DNM2: variants seen among roughly 807,000 people sequenced by gnomAD.
DNM2 encodes dynamin-2.
In DNM2, 15 loss-of-function variants were observed where a neutral mutation model predicts 99.0. The ratio of observed to expected loss-of-function variants is 0.15; its 90% CI spans 0.10 to 0.23. The LOEUF is 0.23. DNM2 is among the 10% of genes least tolerant of loss of function. The pLI, the probability that DNM2 is intolerant of heterozygous loss-of-function variation, is 1.00. For synonymous variants in DNM2, 525 were observed against 481.2 expected (o/e 1.09, Z -1.19); for missense variants, 742 against 1,189.4 (o/e 0.62, Z 5.53).
chr19:10,781,222 G>C (rs1401372906), intron 5 of DNM2, among the ~76,000 whole-genome samples: 2 of 152,114 alleles, frequency 1.3e-5, no homozygotes, highest in Non-Finnish European at 2.9e-5. Flanking sequence ...ATCCAAGCCA[G>C]ATGCTTTTTA....
At chr19:10,783,860 C>A (rs2071465879) in intron 6 of DNM2, among the ~76,000 whole-genome samples, 2 of 151,804 alleles carry the variant, frequency 1.3e-5, no homozygotes, top group South Asian at 4.1e-4. Context: ...GCCACCACAC[C>A]TGGCTAATTT....
At position 10,718,167 on chromosome 19, in the gene DNM2, C is replaced by A; in HGVS notation, c.-76C>A. 7.7e-7 allele frequency: 1 copy of A among 1,293,060 alleles called. No individual in the cohort carries two copies. Among genetic ancestry groups the A allele is most frequent in the Non-Finnish European group, 9.8e-7 (1 of 1,021,482 alleles). The allele number at this position is 1,293,060 out of a possible 1,614,324, so 80.1% of individuals were successfully genotyped here. A position where few individuals can be genotyped will look rare whatever the true frequency, so the allele number is the denominator to read the frequency against. On this transcript the variant is annotated 5_prime_UTR_variant, in exon 1 of 21. Transcript: ENST00000389253. ...GCGGGCGGGGAGCAACGGCTACAGA[C>A]GCCGCGGGGCCAGGTCGTTGAGGGT...
intron 1 of DNM2, among the ~76,000 whole-genome samples, chr19:10,718,969 G>C (rs1244441156): frequency 6.6e-6 from 1 of 152,170 alleles, no homozygotes; most frequent in Non-Finnish European, 1.5e-5. Flanking sequence ...GACCTCTGCT[G>C]TCTGGCCGCC....
intron 3 of DNM2, among the ~76,000 whole-genome samples, chr19:10,774,435 GC>G (rs2071082094): frequency 6.6e-6 from 1 of 152,136 alleles, no homozygotes; most frequent in Non-Finnish European, 1.5e-5. Flanking sequence ...AATCACTTAT[GC>G]TTTTTTTGAG....
At position 10,718,252 on chromosome 19, in the gene DNM2, C is replaced by T. The variant is rs1202955393; in HGVS notation, c.10C>T (p.Arg4Cys). ...GGGGGCCGCCGGCGCCATGGGCAAC[C>T]GCGGGATGGAAGAGCTGATCCCGCT... Reference protein sequence around the residue: MGNRGMEELIPLVN... With the variant: MGNCGMEELIPLVN... The change falls in exon 1 of 21, where the codon CGC becomes TGC. Residue 4 changes from arginine to cysteine, a missense_variant. Physicochemically the swap from Arg to Cys is radical, Grantham distance 180. Transcript: ENST00000389253. The T allele has an allele frequency of 1.1e-5, 16 of 1,483,050 alleles. No individual in the cohort carries two copies. Among genetic ancestry groups the T allele is most frequent in the Non-Finnish European group, 1.3e-5 (15 of 1,115,078 alleles). The allele number at this position is 1,483,050 out of a possible 1,614,324, so 91.9% of individuals were successfully genotyped here. A position where few individuals can be genotyped will look rare whatever the true frequency, so the allele number is the denominator to read the frequency against.
intron 1 of DNM2, among the ~76,000 whole-genome samples, chr19:10,734,615 G>A (rs1445456727): frequency 2.9e-4 from 40 of 138,398 alleles, no homozygotes; most frequent in Middle Eastern, 4.0e-3. Flanking sequence ...CACCAGCCCG[G>A]GCAACAGAGC....
At chr19:10,755,399 G>T (rs1434638972) in intron 1 of DNM2, 2 of 151,980 alleles carry the variant, frequency 1.3e-5, no homozygotes, top group Non-Finnish European at 2.9e-5. Context: ...GGCACGTGCT[G>T]TCACCGCCGC....
In DNM2 at chr19:10,811,664, G is replaced by C. The variant is rs2072549682; in HGVS notation, c.1558-600G>C. 1 of 509,940 alleles carries C rather than the reference G, an allele frequency of 2.0e-6. No homozygotes were observed. The allele number at this position is 509,940 out of a possible 1,614,324, so 31.6% of individuals were successfully genotyped here. A position where few individuals can be genotyped will look rare whatever the true frequency, so the allele number is the denominator to read the frequency against. ...GCCCCCAGGCTGCCTGCCGTTAGTTGTCAGGTGAGTCCCTGCGCAGGCCTG... is the reference window on the plus strand; with the variant it reads ...GCCCCCAGGCTGCCTGCCGTTAGTTCTCAGGTGAGTCCCTGCGCAGGCCTG... On this transcript the variant is annotated intron_variant, in intron 14 of 20. Transcript: ENST00000389253. The surrounding 1 kb of genome is among the most constrained non-coding windows in gnomAD (Gnocchi z 5.4).
In DNM2 at chr19:10,795,060, A is replaced by G. The variant is rs369331515; in HGVS notation, c.1129-312A>G. ...CTCAGCCTCCCGAGTAGCTGGGACT[A>G]TAGGCGTGCACCAGCCCACCTGGCC... is the stretch of plus-strand genomic sequence containing the variant. On this transcript the variant is annotated intron_variant, in intron 8 of 20. Transcript: ENST00000389253. This position sits in a 1 kb window ranked among gnomAD's most constrained non-coding sequence, Gnocchi z 4.2. Among the ~76,000 whole-genome samples the G allele has an allele frequency of 4.9e-4, 74 of 152,190 alleles. No individual in the cohort carries two copies. The highest frequency in any genetic ancestry group is 1.7e-3 in the African/African-American group (71 of 41,526).
intron 16 of DNM2, among the ~76,000 whole-genome samples, chr19:10,821,823 A>T (rs2072980545): frequency 6.6e-6 from 1 of 151,968 alleles, no homozygotes; most frequent in African/African-American, 2.4e-5. Flanking sequence ...GAGCTACTGC[A>T]CCTGGCCCAA....
At chr19:10,761,102 C>T (rs1266625250) in intron 2 of DNM2, among the ~76,000 whole-genome samples, 1 of 152,030 alleles carries the variant, frequency 6.6e-6, no homozygotes, top group Non-Finnish European at 1.5e-5. Flanking sequence ...GATTCTCCTT[C>T]CTCAGCCTCC....
chr19:10,802,574 C>T (rs1382118008), intron 12 of DNM2: 1 of 639,652 alleles, frequency 1.6e-6, no homozygotes, highest in Non-Finnish European at 2.8e-6. Context: ...GTGAGGCATC[C>T]CCATGGTTAG....
At chr19:10,738,244 C>T (rs772004498) in intron 1 of DNM2, among the ~76,000 whole-genome samples, 5 of 151,686 alleles carry the variant, frequency 3.3e-5, no homozygotes, top group Non-Finnish European at 7.4e-5. Context: ...GGTGAAAGAG[C>T]GAGACTCCAT....
At chr19:10,810,162 TC>T (rs2146100966) in intron 14 of DNM2, 1 of 153,422 alleles carries the variant, frequency 6.5e-6, no homozygotes, top group East Asian at 1.9e-4. Context: ...TGCCAGAGGA[TC>T]CCTGCTTTGC....
At chr19:10,727,774 C>T (rs778994938) in intron 1 of DNM2, among the ~76,000 whole-genome samples, 1 of 152,100 alleles carries the variant, frequency 6.6e-6, no homozygotes, top group African/African-American at 2.4e-5. Flanking sequence ...TGGCTCAGAG[C>T]CACATCTGCC....
At chr19:10,767,065 G>A (rs572787476) in intron 2 of DNM2, among the ~76,000 whole-genome samples, 8 of 152,252 alleles carry the variant, frequency 5.3e-5, no homozygotes, top group African/African-American at 1.9e-4. Flanking sequence ...GAGGGTGGCT[G>A]TGGGGTGCAG....
intron 5 of DNM2, among the ~76,000 whole-genome samples, chr19:10,777,434 T>C (rs1416880231): frequency 6.6e-6 from 1 of 152,140 alleles, no homozygotes; most frequent in Non-Finnish European, 1.5e-5. Flanking sequence ...TTCTGAAACA[T>C]TAGAAAACAA....
intron 14 of DNM2, chr19:10,809,244 C>G (rs1424764101): frequency 6.6e-6 from 1 of 152,290 alleles, no homozygotes; most frequent in Non-Finnish European, 1.5e-5. Flanking sequence ...GCAGGCATGA[C>G]TAGTCAATCA....
intron 6 of DNM2, among the ~76,000 whole-genome samples, chr19:10,784,126 T>C (rs2071474536): frequency 6.6e-6 from 1 of 152,164 alleles, no homozygotes; most frequent in South Asian, 2.1e-4. Flanking sequence ...TTCTAGCACC[T>C]TCCAGGGTGG....
Sources: gnomAD v4.1 joint callset for allele counts (sites outside exome capture counted in the v4.1 genomes callset) on GRCh38, gnomAD v4.1.1 for gene constraint, Gnocchi (gnomAD v3.1) non-coding constraint, MANE v1.5 for transcripts, NCBI Gene and HGNC (gene_info 2026-07-23, HGNC 2026-07-21) for gene names.